Variants in GARNL3 observed in about 807,000 individuals in gnomAD.
GARNL3 encodes the protein GTPase-activating Rap/Ran-GAP domain-like protein 3.
Under a neutral mutation model 125.0 loss-of-function variants are expected in GARNL3, and 63 were observed. That is an observed-to-expected ratio of 0.50 (90% CI 0.41 to 0.62). The LOEUF (loss-of-function observed/expected upper bound fraction) is 0.62. Among genes scored for constraint, GARNL3 ranks in the 20% least tolerant of loss-of-function variants. The pLI is 0.00. For missense variants in GARNL3, 994 were observed against 1,244.0 expected (o/e 0.80, Z 3.02); for synonymous variants, 439 against 457.5 (o/e 0.96, Z 0.52).
intron 12 of GARNL3, 38 bp downstream of exon 12, chr9:127,338,199 C>T: frequency 6.9e-7 from 1 of 1,454,068 alleles, no homozygotes; most frequent in Non-Finnish European, 9.7e-7. Context: ...TGTCCTAATT[C>T]TCATGCTTGT....
rs370078683 is a variant in GARNL3 at position 127,349,081 on chromosome 9, T to C, written c.1543+46T>C. Reference sequence around the variant, plus strand: ...ACAAATGTCTTTTTCATGTAACTTGTAGTACTTCTAAGATGAGTGACCACC... The same window carrying C: ...ACAAATGTCTTTTTCATGTAACTTGCAGTACTTCTAAGATGAGTGACCACC... On this transcript the variant is annotated intron_variant, in intron 17 of 27. Coordinates refer to ENST00000373387, the MANE Select transcript of GARNL3 (RefSeq NM_032293.5). 4.5e-6 allele frequency: 6 copies of C among 1,321,550 alleles called. No homozygotes were observed. The African/African-American group carries it at 7.2e-5, about 16-fold the overall frequency. The allele number at this position is 1,321,550 out of a possible 1,614,324, so 81.9% of individuals were successfully genotyped here.
chr9:127,272,555 C>T (rs2063849093), intron 1 of GARNL3, among the ~76,000 whole-genome samples: 1 of 151,846 alleles, frequency 6.6e-6, no homozygotes, highest in Admixed American at 6.6e-5. Context: ...TCTCGGCTCA[C>T]TGCAACCTCT....
chr9:127,389,165 C>A, intron 26 of GARNL3, 46 bp downstream of exon 26: 1 of 1,339,438 alleles, frequency 7.5e-7, no homozygotes, highest in Non-Finnish European at 1.1e-6. Context: ...AACAGACCAG[C>A]TGGTTTTATC....
At chr9:127,344,213 A>G (rs780487777) in intron 14 of GARNL3, 22 bp from the exon 15 acceptor site, 1 of 1,526,116 alleles carries the variant, frequency 6.6e-7, no homozygotes, top group South Asian at 1.2e-5. Flanking sequence ...TGTGGAATTC[A>G]TAACTTGTTT....
intron 2 of GARNL3, among the ~76,000 whole-genome samples, chr9:127,303,920 G>A (rs914084109): frequency 6.6e-6 from 1 of 152,086 alleles, no homozygotes; most frequent in Non-Finnish European, 1.5e-5. Flanking sequence ...GTGGGCTTTG[G>A]ATCTGATGCA....
chr9:127,387,318 T>G lies in GARNL3; in HGVS notation c.2514T>G (p.Ser838=). The change falls in exon 25 of 28, where the codon TCT becomes TCG. Residue 838 remains serine (S), a synonymous_variant. Transcript: ENST00000373387. ...GCCGAGATACTCCAGTATTTCCTTC[T>G]TCCCTGGGGGAAGGTGAAGTCCAAG... ...PPGRDTPVFP[S]SLGEGEIQSK... is the part of the protein sequence containing the mutation. The G allele has an allele frequency of 6.2e-7, 1 of 1,611,634 alleles. No individual in the cohort carries two copies. Among genetic ancestry groups the G allele is most frequent in the Non-Finnish European group, 8.5e-7 (1 of 1,179,234 alleles).
At chr9:127,277,768 C>T (rs565809456) in intron 1 of GARNL3, among the ~76,000 whole-genome samples, 1 of 152,198 alleles carries the variant, frequency 6.6e-6, no homozygotes, top group South Asian at 2.1e-4. Context: ...TTGAAATATG[C>T]CTCTGTTGAG....
At chr9:127,264,152 G>A, upstream of GARNL3, 2 of 534,014 alleles carry the variant, frequency 3.7e-6, no homozygotes, top group Non-Finnish European at 6.3e-6. Context: ...ATATTTTGTG[G>A]ATCTCATGTG....
intron 2 of GARNL3, among the ~76,000 whole-genome samples, chr9:127,247,954 G>A (rs1319007920): frequency 6.6e-6 from 1 of 152,076 alleles, no homozygotes; most frequent in Non-Finnish European, 1.5e-5. Flanking sequence ...GCCTCTGGTA[G>A]CCCTCCTCCT....
At chr9:127,320,958 G>T (rs2065380380) in intron 6 of GARNL3, among the ~76,000 whole-genome samples, 180 bp downstream of exon 6, 1 of 152,112 alleles carries the variant, frequency 6.6e-6, no homozygotes, top group Non-Finnish European at 1.5e-5. Flanking sequence ...CTATGGTAGG[G>T]CCTGGGTATC....
At chr9:127,335,685 T>C (rs111430867) in intron 10 of GARNL3, among the ~76,000 whole-genome samples, 170 of 152,284 alleles carry the variant, frequency 1.1e-3, no homozygotes, top group African/African-American at 4.0e-3. Context: ...CTATCCAACA[T>C]GGACTCTTGA....
At chr9:127,339,909 G>A (rs569756436) in intron 13 of GARNL3, among the ~76,000 whole-genome samples, 158 bp downstream of exon 13, 1 of 152,256 alleles carries the variant, frequency 6.6e-6, no homozygotes, top group African/African-American at 2.4e-5. Context: ...TGGTCATGTT[G>A]TGCACGTTTT....
chr9:127,242,310 C>T lies in GARNL3; in HGVS notation c.-28-769C>T, dbSNP rs571440416. ...TTTCCAAGTAATTGGATTTTGCTGGCTTGTTTGTCTGTCAGTTGAGGTAGA... is the reference window on the plus strand; with the variant it reads ...TTTCCAAGTAATTGGATTTTGCTGGTTTGTTTGTCTGTCAGTTGAGGTAGA... On this transcript the variant is annotated intron_variant, in intron 1 of 10. Transcript: ENST00000439286. This position sits in a 1 kb window ranked among gnomAD's most constrained non-coding sequence, Gnocchi z 4.6. 2.0e-4 allele frequency among the ~76,000 whole-genome samples: 30 copies of T among 152,090 alleles called. No homozygotes were observed. Among genetic ancestry groups the T allele is most frequent in the Non-Finnish European group, 4.1e-4 (28 of 68,018 alleles).
chr9:127,346,384 G>A (rs1202297455), intron 16 of GARNL3, among the ~76,000 whole-genome samples: 18 of 152,108 alleles, frequency 1.2e-4, no homozygotes, highest in Admixed American at 1.1e-3. Context: ...TTAAAGTCTG[G>A]TTTCAGGAAA....
chr9:127,268,170 C>T (rs1392761797), intron 1 of GARNL3, among the ~76,000 whole-genome samples: 5 of 152,172 alleles, frequency 3.3e-5, no homozygotes, highest in Non-Finnish European at 7.4e-5. Context: ...CTCATGGAGC[C>T]TTCACTTTAG....
At chr9:127,226,767 C>G (rs561619180) in intron 1 of GARNL3, among the ~76,000 whole-genome samples, 3 of 152,218 alleles carry the variant, frequency 2.0e-5, no homozygotes, top group Non-Finnish European at 4.4e-5. Flanking sequence ...ATGTCTCCCC[C>G]ACTAGACTTG....
intron 1 of GARNL3, among the ~76,000 whole-genome samples, chr9:127,236,534 G>A (rs138474042): frequency 2.9e-4 from 44 of 152,260 alleles, no homozygotes; most frequent in African/African-American, 9.9e-4. Flanking sequence ...CTGTAACTTC[G>A]AACCTCTGGG....
At position 127,280,256 on chromosome 9, in the gene GARNL3, G is replaced by A. The variant is rs1037560319; in HGVS notation, c.145-10912G>A. Among the ~76,000 whole-genome samples, 2 of 152,174 alleles carry A rather than the reference G, an allele frequency of 1.3e-5. No homozygotes were observed. Among genetic ancestry groups the A allele is most frequent in the Admixed American group, 6.5e-5 (1 of 15,276 alleles). ...ATGCTCTGCCCTCAGGACTCTCCATGTCTCGCTCCCTACCTGGGGCACTTG... is the reference window on the plus strand; with the variant it reads ...ATGCTCTGCCCTCAGGACTCTCCATATCTCGCTCCCTACCTGGGGCACTTG... On this transcript the variant is annotated intron_variant, in intron 1 of 27. Transcript: ENST00000373387. The surrounding 1 kb of genome is among the most constrained non-coding windows in gnomAD (Gnocchi z 4.5).
intron 2 of GARNL3, among the ~76,000 whole-genome samples, chr9:127,306,683 C>T (rs867141043): frequency 4.0e-5 from 6 of 150,944 alleles, no homozygotes; most frequent in South Asian, 2.1e-4. Flanking sequence ...GTCTAGATCG[C>T]GCCACTCTAC....
Sources: allele counts gnomAD v4.1 joint callset (sites outside exome capture counted in the v4.1 genomes callset), GRCh38; gene constraint gnomAD v4.1.1; non-coding constraint Gnocchi (gnomAD v3.1); transcripts MANE v1.5; gene names NCBI Gene and HGNC (gene_info 2026-07-23, HGNC 2026-07-21).